ABCC1: variants seen among roughly 807,000 people sequenced by gnomAD.
ABCC1 encodes ATP binding cassette subfamily C member 1 (ABCC1 blood group).
In ABCC1, 83 loss-of-function variants were observed where a neutral mutation model predicts 172.9. That is an observed-to-expected ratio of 0.48 (90% CI 0.40 to 0.58). The LOEUF (loss-of-function observed/expected upper bound fraction) is 0.58. Among genes scored for constraint, ABCC1 ranks in the 20% least tolerant of loss-of-function variants. The pLI is 0.00. For synonymous variants in ABCC1, 937 were observed against 825.2 expected (o/e 1.14, Z -2.32); for missense variants, 1,817 against 2,002.7 (o/e 0.91, Z 1.77).
intron 18 of ABCC1, among the ~76,000 whole-genome samples, chr16:16,090,047 G>C (rs2051178083): frequency 6.6e-6 from 1 of 152,088 alleles, no homozygotes; most frequent in African/African-American, 2.4e-5. Context: ...CCGCACACTT[G>C]GTACACCCGT....
intron 21 of ABCC1, 43 bp from the exon 22 acceptor site, chr16:16,111,332 G>GGC (rs11282335): frequency 1.5e-5 from 23 of 1,567,836 alleles, no homozygotes; most frequent in African/African-American, 4.1e-5. Flanking sequence ...CTGGGGCTGG[G>GGC]TGCGTGCATG....
chr16:16,041,852 G>A (rs1417311341), intron 7 of ABCC1, among the ~76,000 whole-genome samples: 4 of 152,096 alleles, frequency 2.6e-5, no homozygotes, highest in African/African-American at 9.6e-5. Context: ...ATTGCAGTAC[G>A]TTGGGAGGCT....
At chr16:16,074,102 G>A (rs533495166) in intron 14 of ABCC1, among the ~76,000 whole-genome samples, 3 of 152,248 alleles carry the variant, frequency 2.0e-5, no homozygotes, top group Admixed American at 1.3e-4. Flanking sequence ...TATCCTGGGC[G>A]CTACTGACAT....
chr16:15,963,316 C>T (rs947563708), intron 1 of ABCC1, among the ~76,000 whole-genome samples: 1 of 152,250 alleles, frequency 6.6e-6, no homozygotes, highest in Admixed American at 6.5e-5. Flanking sequence ...CGTTGAGTGT[C>T]TCCGTCTTTT....
chr16:16,044,427 G>A (rs1358292732), intron 7 of ABCC1, 23 bp from the exon 8 acceptor site: 16 of 1,605,226 alleles, frequency 1.0e-5, no homozygotes, highest in Non-Finnish European at 1.2e-5. Flanking sequence ...ACCCCACAAC[G>A]GCTTCACCTC....
chr16:16,056,009 T>C, intron 11 of ABCC1, 83 bp from the exon 12 acceptor site: 1 of 1,239,966 alleles, frequency 8.1e-7, no homozygotes, highest in South Asian at 1.3e-5. Flanking sequence ...TAATAAAGTT[T>C]ATGAGAAAAA....
chr16:16,055,264 G>A, intron 11 of ABCC1, among the ~76,000 whole-genome samples: 1 of 151,796 alleles, frequency 6.6e-6, no homozygotes, highest in South Asian at 2.1e-4. Context: ...CAAGAAATAA[G>A]AAAACAGGCT....
At chr16:15,968,409 T>C (rs929541892) in intron 1 of ABCC1, among the ~76,000 whole-genome samples, 5 of 152,032 alleles carry the variant, frequency 3.3e-5, no homozygotes, top group Admixed American at 2.0e-4. Context: ...CCTAAAGATA[T>C]AGTAATTTTT....
chr16:16,117,529 C>G (rs1389578762), intron 23 of ABCC1, among the ~76,000 whole-genome samples: 1 of 152,158 alleles, frequency 6.6e-6, no homozygotes, highest in Non-Finnish European at 1.5e-5. Context: ...TTGTCCAGAA[C>G]TTAGTCATGG....
chr16:15,989,770 A>G (rs1221718759), intron 1 of ABCC1, among the ~76,000 whole-genome samples: 1 of 152,162 alleles, frequency 6.6e-6, no homozygotes, highest in Non-Finnish European at 1.5e-5. Context: ...GAATCATTAC[A>G]GTACCTTCCT....
intron 12 of ABCC1, among the ~76,000 whole-genome samples, chr16:16,058,593 A>G (rs557598762): frequency 6.6e-6 from 1 of 152,264 alleles, no homozygotes; most frequent in East Asian, 1.9e-4. Flanking sequence ...TGCAGGAGAG[A>G]TGGTGTTCAA....
intron 1 of ABCC1, among the ~76,000 whole-genome samples, chr16:15,959,126 G>A (rs754186964): frequency 1.1e-4 from 17 of 152,202 alleles, no homozygotes; most frequent in African/African-American, 4.1e-4. Flanking sequence ...CGAAATTCTA[G>A]TGTAATTGGC....
At chr16:16,081,368 A>G (rs558409713) in intron 16 of ABCC1, among the ~76,000 whole-genome samples, 9 of 152,206 alleles carry the variant, frequency 5.9e-5, no homozygotes, top group Non-Finnish European at 1.3e-4. Flanking sequence ...AGAAAATTCC[A>G]AATCCCGATG....
rs868029425 is a variant in ABCC1, at chr16:16,101,719, T to C, written c.2645-908T>C. Among the ~76,000 whole-genome samples the C allele has an allele frequency of 1.2e-4, 19 of 152,190 alleles. No homozygotes were observed. In the South Asian group the frequency reaches 1.7e-3, roughly 13 times the overall value. ...TGGGGGCAGTAGTCATCATCATCAC[T>C]GAGTTATTGTGAACCGGGAAAGAGA... On this transcript the variant is annotated intron_variant, in intron 19 of 30. Transcript: ENST00000399410.
intron 19 of ABCC1, chr16:16,098,207 G>A (rs12449239): frequency 0.12 from 17,963 of 155,120 alleles, 1,195 homozygotes; most frequent in Middle Eastern, 0.22. Context: ...ACCTCCCAGT[G>A]TCATGCCTGG....
At position 16,067,620 on chromosome 16, in the gene ABCC1, A is replaced by G. The variant is rs144329269; in HGVS notation, c.1678-536A>G. On this transcript the variant is annotated intron_variant, in intron 12 of 30. Transcript: ENST00000399410. ...TCAACCAGGGTCCCACAGCGGAAAT[A>G]TGGCAAAGTGTATGGTTTTTATTTT... Among the ~76,000 whole-genome samples, 27 of 152,292 alleles carry G rather than the reference A, an allele frequency of 1.8e-4. 1 individual carries two copies. Among genetic ancestry groups the G allele is most frequent in the Non-Finnish European group, 4.4e-5 (3 of 68,016 alleles).
chr16:15,954,549 C>A (rs1270909923), intron 1 of ABCC1, among the ~76,000 whole-genome samples: 1 of 123,054 alleles, frequency 8.1e-6, no homozygotes, highest in Non-Finnish European at 1.7e-5. Context: ...CCGGGAGAGG[C>A]CTGGGCAGGA....
intron 7 of ABCC1, among the ~76,000 whole-genome samples, chr16:16,037,883 G>A (rs1337923156): frequency 6.6e-6 from 1 of 152,210 alleles, no homozygotes; most frequent in South Asian, 2.1e-4. Context: ...GGGTGGTCCA[G>A]GTGATGGGAG....
chr16:15,979,927 T>C (rs1457645706), intron 1 of ABCC1, among the ~76,000 whole-genome samples: 1 of 152,164 alleles, frequency 6.6e-6, no homozygotes, highest in African/African-American at 2.4e-5. Flanking sequence ...CCTAGGTACT[T>C]CCTGATTACT....
Sources: gnomAD v4.1 joint callset for allele counts (sites outside exome capture counted in the v4.1 genomes callset) on GRCh38, gnomAD v4.1.1 for gene constraint, MANE v1.5 for transcripts, NCBI Gene and HGNC (gene_info 2026-07-23, HGNC 2026-07-21) for gene names.